INVS: variants seen among roughly 807,000 people sequenced by gnomAD.
INVS encodes the protein inversin, also known as inversion of embryo turning homolog.
INVS carries 86 observed loss-of-function variants against 108.8 expected under a neutral mutation model. The ratio of observed to expected loss-of-function variants is 0.79; its 90% CI spans 0.66 to 0.95. The LOEUF (loss-of-function observed/expected upper bound fraction) is 0.95, where lower values mean the gene tolerates loss of function less well. Among genes scored for constraint, INVS ranks in the 40% least tolerant of loss-of-function variants. The pLI is 0.00. For missense variants in INVS, 1,169 were observed against 1,297.4 expected, an observed-to-expected ratio of 0.90 and a Z score of 1.52; for synonymous variants, 455 against 473.5, an observed-to-expected ratio of 0.96 and a Z score of 0.51.
chr9:100,210,547 C>T (rs1830802230), intron 3 of INVS, among the ~76,000 whole-genome samples: 2 of 152,282 alleles, frequency 1.3e-5, no homozygotes, highest in South Asian at 4.2e-4. Flanking sequence ...CTGTTCTAAC[C>T]CCTTCCCCTC....
chr9:100,285,051 G>C (rs1214901732), intron 13 of INVS, among the ~76,000 whole-genome samples: 1 of 152,158 alleles, frequency 6.6e-6, no homozygotes, highest in Non-Finnish European at 1.5e-5. Context: ...GATGCTCTAA[G>C]ATTCTTGTAT....
intron 7 of INVS, among the ~76,000 whole-genome samples, chr9:100,245,128 C>G (rs1832001818): frequency 6.6e-6 from 1 of 152,172 alleles, no homozygotes; most frequent in Admixed American, 6.5e-5. Flanking sequence ...TACCTCCATT[C>G]AATCAAAAGT....
rs60762136 is a variant in INVS at position 100,189,106 on chromosome 9, CTTTT to C, written c.274-36938_274-36935del. Among the ~76,000 whole-genome samples the C allele has an allele frequency of 7.2e-3, 502 of 69,542 alleles. 3 individuals are homozygous for C. The highest frequency in any genetic ancestry group is 0.033 in the African/African-American group (482 of 14,744). The allele number at this position is 69,542 out of a possible 152,430, so 45.6% of individuals were successfully genotyped here. A position where few individuals can be genotyped will look rare whatever the true frequency, so the allele number is the denominator to read the frequency against. ...TTCTAATGGAACTTATTTGCATCTT[CTTTT>C]TTTTTTTTTTTTTTTTTGGTTAATA... On this transcript the variant is annotated intron_variant, in intron 3 of 16. Transcript: ENST00000262457.
chr9:100,281,086 G>T (rs1023190854), intron 12 of INVS, among the ~76,000 whole-genome samples: 2 of 152,170 alleles, frequency 1.3e-5, no homozygotes, highest in Non-Finnish European at 2.9e-5. Flanking sequence ...GTTTGAAGTG[G>T]CATCCCCAGC....
intron 3 of INVS, among the ~76,000 whole-genome samples, chr9:100,204,938 G>A (rs10989014): frequency 0.01 from 1,553 of 151,974 alleles, 13 homozygotes; most frequent in Non-Finnish European, 0.016. Context: ...TGACCTTTCC[G>A]GTTGACAGTC....
chr9:100,264,733 T>C, intron 10 of INVS, 89 bp from the exon 11 acceptor site: 1 of 883,720 alleles, frequency 1.1e-6, no homozygotes, highest in Non-Finnish European at 1.9e-6. Context: ...GGAAAAATGA[T>C]TGCTTATATT....
chr9:100,159,231 G>A (rs865780437), intron 3 of INVS, among the ~76,000 whole-genome samples: 11 of 152,180 alleles, frequency 7.2e-5, no homozygotes, highest in Admixed American at 2.0e-4. Flanking sequence ...GAAAGATAGA[G>A]GAAGGGAATA....
rs1833647204 is a variant in INVS at position 100,292,415 on chromosome 9, C to G, written c.2158C>G (p.Pro720Ala). Reference protein sequence around the residue: ...GSDGSRHPGVPSVEKSRGETA... With the variant: ...GSDGSRHPGVASVEKSRGETA... ...TGATGGAAGCAGGCATCCAGGAGTTCCCTCTGTTGAGAAGTCCAGAGGTGA... is the reference window on the plus strand; with the variant it reads ...TGATGGAAGCAGGCATCCAGGAGTTGCCTCTGTTGAGAAGTCCAGAGGTGA... The change falls in exon 14 of 17, where the codon CCC becomes GCC. Residue 720 changes from proline (P) to alanine (A), a missense_variant. Pro to Ala is a conservative substitution (Grantham distance 27, BLOSUM62 -1). Transcript: ENST00000262457. 1 of 1,614,146 alleles carries G rather than the reference C, an allele frequency of 6.2e-7. No homozygotes were observed. The highest frequency in any genetic ancestry group is 8.5e-7 in the Non-Finnish European group (1 of 1,180,020).
chr9:100,100,804 T>C (rs1445842209), intron 1 of INVS, among the ~76,000 whole-genome samples: 6 of 12,594 alleles, frequency 4.8e-4, no homozygotes, highest in South Asian at 1.6e-3. Context: ...ATAATATATG[T>C]ATATATAATA....
chr9:100,300,918 A>C lies in INVS; in HGVS notation c.*244A>C. 1.9e-6 allele frequency: 1 copy of C among 537,128 alleles called. No individual in the cohort carries two copies. Among genetic ancestry groups the C allele is most frequent in the Non-Finnish European group, 3.4e-6 (1 of 298,304 alleles). The allele number at this position is 537,128 out of a possible 1,614,324, so 33.3% of individuals were successfully genotyped here. ...ACCTGCATAGACTATGTCTGTGCAA[A>C]GTGCCTGAGTGTCTGCTTTCACCTC... On this transcript the variant is annotated 3_prime_UTR_variant, in exon 17 of 17. Transcript: ENST00000262457.
At chr9:100,118,428 C>T (rs983516009) in intron 2 of INVS, among the ~76,000 whole-genome samples, 2 of 149,080 alleles carry the variant, frequency 1.3e-5, no homozygotes, top group African/African-American at 5.0e-5. Flanking sequence ...AGACTGGTCT[C>T]GGACTCCTGG....
In INVS at chr9:100,203,841, C is replaced by T. The variant is rs76744444; in HGVS notation, c.274-22221C>T. 9.1e-3 allele frequency among the ~76,000 whole-genome samples: 1,383 copies of T among 152,136 alleles called. 8 individuals carry two copies. Among genetic ancestry groups the T allele is most frequent in the Non-Finnish European group, 0.016 (1,119 of 68,000 alleles). On this transcript the variant is annotated intron_variant, in intron 3 of 16. Coordinates refer to ENST00000262457, the MANE Select transcript of INVS (RefSeq NM_014425.5). ...TGTAATGTTGTGTAAAAAAATGGGT[C>T]CCATGGTCAGATAAGTGTAGGAACT...
At chr9:100,166,252 A>G (rs1829359150) in intron 3 of INVS, among the ~76,000 whole-genome samples, 1 of 152,144 alleles carries the variant, frequency 6.6e-6, no homozygotes, top group Non-Finnish European at 1.5e-5. Flanking sequence ...ATTTGTGTTT[A>G]GCCAGAGCTC....
chr9:100,193,388 A>G (rs1830282759), intron 3 of INVS, among the ~76,000 whole-genome samples: 1 of 152,184 alleles, frequency 6.6e-6, no homozygotes, highest in Admixed American at 6.5e-5. Context: ...ATTTTTGAGT[A>G]TACTATTCAG....
intron 3 of INVS, among the ~76,000 whole-genome samples, chr9:100,195,500 T>TG (rs796558329): frequency 1.3e-4 from 20 of 151,726 alleles, no homozygotes; most frequent in African/African-American, 4.6e-4. Context: ...TTGATTTTTT[T>TG]TTTTGAGACG....
At chr9:100,262,256 A>G (rs1832651714) in intron 10 of INVS, among the ~76,000 whole-genome samples, 1 of 152,050 alleles carries the variant, frequency 6.6e-6, no homozygotes, top group African/African-American at 2.4e-5. Context: ...AAAAGTTAGA[A>G]AATAGTCCCT....
At chr9:100,236,604 TAGTC>T (rs1831693727) in intron 5 of INVS, among the ~76,000 whole-genome samples, 7 of 152,212 alleles carry the variant, frequency 4.6e-5, no homozygotes. Context: ...TTCCTTCTAA[TAGTC>T]AGGCCTCTCT....
chr9:100,242,909 T>C (rs1357095749), intron 7 of INVS, among the ~76,000 whole-genome samples: 1 of 152,180 alleles, frequency 6.6e-6, no homozygotes, highest in Admixed American at 6.6e-5. Flanking sequence ...AAACAGGAAA[T>C]TGACATTGAT....
intron 14 of INVS, among the ~76,000 whole-genome samples, chr9:100,293,715 G>A (rs2806700): frequency 2.6e-5 from 4 of 151,998 alleles, no homozygotes; most frequent in African/African-American, 4.8e-5. Flanking sequence ...GACAAATGCC[G>A]CTAGGGGATG....
Sources: allele counts gnomAD v4.1 joint callset (sites outside exome capture counted in the v4.1 genomes callset), GRCh38; gene constraint gnomAD v4.1.1; transcripts MANE v1.5; gene names NCBI Gene and HGNC (gene_info 2026-07-23, HGNC 2026-07-21).